The following ATF7IP variants were observed in gnomAD, a reference collection of about 807,000 sequenced individuals.
ATF7IP encodes the protein activating transcription factor 7-interacting protein 1.
Under a neutral mutation model 106.4 loss-of-function variants are expected in ATF7IP, and 23 were observed. The ratio of observed to expected loss-of-function variants is 0.22; its 90% CI spans 0.16 to 0.31. The LOEUF is 0.31. Ranked by LOEUF, ATF7IP falls within the 10% of genes least tolerant of loss-of-function variation. The pLI, the probability that ATF7IP is intolerant of heterozygous loss-of-function variation, is 1.00. For missense variants in ATF7IP, 1,334 were observed against 1,524.3 expected, an observed-to-expected ratio of 0.88 and a Z score of 2.08; for synonymous variants, 542 against 539.0, an observed-to-expected ratio of 1.01 and a Z score of -0.08.
intron 1 of ATF7IP, among the ~76,000 whole-genome samples, chr12:14,411,736 A>C (rs1940925662): frequency 1.3e-5 from 2 of 151,748 alleles, no homozygotes; most frequent in Non-Finnish European, 2.9e-5. Flanking sequence ...TTGTCTTTTC[A>C]CTTTCTTAGT....
chr12:14,470,548 A>G (rs1381245332), intron 10 of ATF7IP, among the ~76,000 whole-genome samples: 2 of 152,184 alleles, frequency 1.3e-5, no homozygotes, highest in African/African-American at 4.8e-5. Context: ...TAGAAATAAT[A>G]AGGTCTACAG....
chr12:14,370,825 A>T (rs559654109), intron 1 of ATF7IP, among the ~76,000 whole-genome samples: 28 of 152,058 alleles, frequency 1.8e-4, no homozygotes, highest in Non-Finnish European at 4.0e-4. Flanking sequence ...ATGAAGTTAG[A>T]CGTGGGAAAA....
intron 1 of ATF7IP, among the ~76,000 whole-genome samples, chr12:14,416,212 A>G (rs536976469): frequency 6.6e-6 from 1 of 152,318 alleles, no homozygotes; most frequent in African/African-American, 2.4e-5. Flanking sequence ...GGATTCTTAA[A>G]GAATCTAATA....
At chr12:14,401,434 T>C (rs1327633277) in intron 1 of ATF7IP, among the ~76,000 whole-genome samples, 1 of 152,194 alleles carries the variant, frequency 6.6e-6, no homozygotes, top group African/African-American at 2.4e-5. Context: ...TGAGCTCAGG[T>C]GATCCGCCTG....
intron 13 of ATF7IP, among the ~76,000 whole-genome samples, chr12:14,494,458 G>T (rs1389032179): frequency 7.0e-6 from 1 of 142,466 alleles, no homozygotes; most frequent in Non-Finnish European, 1.5e-5. Context: ...AACTAATAGG[G>T]TATATACATA....
In ATF7IP at chr12:14,493,621, C is replaced by CA. The variant is rs541329435; in HGVS notation, c.3281-2609dup. The stretch of plus-strand genomic sequence containing the variant: ...AAAGCTTCATCAGAATTTACAAACT[C>CA]AGTGTCCCCAGCTTCATCAGGGTGC... On this transcript the variant is annotated intron_variant, in intron 13 of 14. Transcript: ENST00000261168. Among the ~76,000 whole-genome samples the CA allele has an allele frequency of 2.6e-5, 4 of 152,268 alleles. No individual in the cohort carries two copies. In the South Asian group the frequency reaches 8.3e-4, roughly 32 times the overall value.
chr12:14,466,844 A>G (rs1951439492), intron 10 of ATF7IP, among the ~76,000 whole-genome samples: 2 of 152,146 alleles, frequency 1.3e-5, no homozygotes, highest in African/African-American at 2.4e-5. Context: ...TTTGATTAAT[A>G]CAATTGACAA....
At chr12:14,475,640 ATAGCT>A (rs1337834968) in intron 10 of ATF7IP, among the ~76,000 whole-genome samples, 1 of 152,208 alleles carries the variant, frequency 6.6e-6, no homozygotes, top group African/African-American at 2.4e-5. Context: ...TATGCAACAG[ATAGCT>A]TAGTTTTTTT....
chr12:14,484,715 C>T (rs989814377), intron 13 of ATF7IP, among the ~76,000 whole-genome samples: 3 of 152,146 alleles, frequency 2.0e-5, no homozygotes, highest in East Asian at 1.9e-4. Context: ...GGGAAGAGAA[C>T]GCAGCGTGAC....
chr12:14,431,322 C>G (rs946513426), intron 2 of ATF7IP, among the ~76,000 whole-genome samples: 3 of 151,712 alleles, frequency 2.0e-5, no homozygotes, highest in Admixed American at 2.0e-4. Context: ...AAGGCTATAG[C>G]CTTATCCTCA....
intron 1 of ATF7IP, among the ~76,000 whole-genome samples, chr12:14,393,807 G>A (rs1939700238): frequency 6.6e-6 from 1 of 152,018 alleles, no homozygotes. Context: ...TAATGAAAAT[G>A]GTAGTGGAGT....
chr12:14,394,138 A>G (rs1430501190), intron 1 of ATF7IP, among the ~76,000 whole-genome samples: 4 of 152,328 alleles, frequency 2.6e-5, no homozygotes, highest in East Asian at 1.9e-4. Flanking sequence ...ATGTTAAACA[A>G]TATACTTCTA....
intron 13 of ATF7IP, among the ~76,000 whole-genome samples, chr12:14,494,306 TATATATATATATATATATATATATA>T (rs1944929223): frequency 1.1e-5 from 1 of 87,576 alleles, no homozygotes; most frequent in Non-Finnish European, 2.2e-5. Context: ...TATATATATA[TATATATATATATATATATATATATA>T]TATGTGTGTG....
At chr12:14,414,217 A>T (rs1421654250) in intron 1 of ATF7IP, among the ~76,000 whole-genome samples, 1 of 152,160 alleles carries the variant, frequency 6.6e-6, no homozygotes, top group African/African-American at 2.4e-5. Context: ...CAGCAAGAGG[A>T]TTATATGTCC....
At position 14,438,274 on chromosome 12, in the gene ATF7IP, A is replaced by G; in HGVS notation, c.1929+7A>G. The G allele has an allele frequency of 1.9e-6, 3 of 1,610,554 alleles. No individual in the cohort carries two copies. The highest frequency in any genetic ancestry group is 2.5e-6 in the Non-Finnish European group (3 of 1,178,596). The stretch of plus-strand genomic sequence containing the variant: ...AGTTCTCACTGAACTACAGGTTTGT[A>G]CATTGACTTGAGTTGTATACTCCAT... On this transcript the variant is annotated splice_region_variant and intron_variant, in intron 5 of 14. Transcript: ENST00000261168.
Position 14,467,364 on chromosome 12 carries a change from C to T in ATF7IP, c.2862+774C>T, listed in dbSNP as rs185895538. Among the ~76,000 whole-genome samples the T allele has an allele frequency of 1.3e-3, 197 of 152,018 alleles. 2 individuals are homozygous for T. Among genetic ancestry groups the T allele is most frequent in the African/African-American group, 4.4e-3 (184 of 41,492 alleles). ...TAAATATGACTATTTTCTTTAAAAACGATGGATTTTGACCAACCTAGATGT... is the reference window on the plus strand; with the variant it reads ...TAAATATGACTATTTTCTTTAAAAATGATGGATTTTGACCAACCTAGATGT... On this transcript the variant is annotated intron_variant, in intron 10 of 14. Transcript: ENST00000261168.
chr12:14,432,116 G>T (rs367808667), intron 2 of ATF7IP, among the ~76,000 whole-genome samples: 5 of 152,146 alleles, frequency 3.3e-5, no homozygotes, highest in South Asian at 2.1e-4. Context: ...ACTAACATGC[G>T]TATAAAAGAG....
rs999466217 is a variant in ATF7IP, at chr12:14,415,222, C to G, written c.-7-8687C>G. 5.9e-5 allele frequency among the ~76,000 whole-genome samples: 9 copies of G among 152,270 alleles called. 1 individual carries two copies. Among genetic ancestry groups the G allele is most frequent in the Admixed American group, 6.5e-5 (1 of 15,306 alleles). The stretch of plus-strand genomic sequence containing the variant: ...ATTTTCTAAGGGGGTGTAATTTGCT[C>G]TATGTATTCTAAAATGGCATTTGTT... On this transcript the variant is annotated intron_variant, in intron 1 of 14. Coordinates refer to ENST00000261168, the MANE Select transcript of ATF7IP (RefSeq NM_018179.5).
chr12:14,385,243 G>C (rs1238095958), intron 1 of ATF7IP: 21 of 614,406 alleles, frequency 3.4e-5, no homozygotes, highest in Non-Finnish European at 5.1e-5. Flanking sequence ...AGTTTTCACT[G>C]TGTGAGTTCT....
Sources: allele counts gnomAD v4.1 joint callset (sites outside exome capture counted in the v4.1 genomes callset), GRCh38; gene constraint gnomAD v4.1.1; transcripts MANE v1.5; gene names NCBI Gene and HGNC (gene_info 2026-07-23, HGNC 2026-07-21).